The following DSCAM variants were observed in gnomAD, a reference collection of about 807,000 sequenced individuals.
DSCAM encodes cell adhesion molecule DSCAM.
A neutral mutation model predicts 217.7 loss-of-function variants in DSCAM; 47 were observed. That is an observed-to-expected ratio of 0.22 (90% CI 0.17 to 0.28). The LOEUF is 0.28. DSCAM is among the 10% of genes least tolerant of loss of function. DSCAM has a pLI of 1.00. For synonymous variants in DSCAM, 1,056 were observed against 1,015.3 expected (o/e 1.04, Z -0.76); for missense variants, 2,080 against 2,618.3 (o/e 0.79, Z 4.49).
chr21:40,609,887 G>T (rs2146276245), intron 3 of DSCAM, among the ~76,000 whole-genome samples: 1 of 152,360 alleles, frequency 6.6e-6, no homozygotes, highest in East Asian at 1.9e-4. Context: ...GCTGCCTCAA[G>T]CTCTGGTTAG....
chr21:40,662,039 CT>C (rs1163596584), intron 3 of DSCAM, among the ~76,000 whole-genome samples: 1 of 152,160 alleles, frequency 6.6e-6, no homozygotes, highest in Non-Finnish European at 1.5e-5. Context: ...CATGCCCAGC[CT>C]TGTGGCAGCC....
chr21:40,537,347 C>T (rs2076507208), intron 3 of DSCAM, among the ~76,000 whole-genome samples: 1 of 152,114 alleles, frequency 6.6e-6, no homozygotes, highest in Non-Finnish European at 1.5e-5. Flanking sequence ...GCTGCCTTCT[C>T]CTCTTGCAAA....
chr21:40,658,965 G>A (rs1198762414), intron 3 of DSCAM, among the ~76,000 whole-genome samples: 3 of 152,006 alleles, frequency 2.0e-5, no homozygotes, highest in South Asian at 2.1e-4. Flanking sequence ...TCTGATAATC[G>A]GGCAAATGAG....
At chr21:40,336,553 A>G (rs1253186048) in intron 8 of DSCAM, among the ~76,000 whole-genome samples, 2 of 152,230 alleles carry the variant, frequency 1.3e-5, no homozygotes, top group Non-Finnish European at 2.9e-5. Context: ...TCAACTTTTT[A>G]TGTTACAAAA....
chr21:40,192,107 CA>C lies in DSCAM; in HGVS notation c.2357-2870del, dbSNP rs2090958189. ...CCATTATAACCTGTATACAAATATA[CA>C]CAGTTGTATAATCATCACTGAATCA... is the stretch of plus-strand genomic sequence containing the variant. On this transcript the variant is annotated intron_variant, in intron 11 of 32. Coordinates refer to ENST00000400454, the MANE Select transcript of DSCAM (RefSeq NM_001389.5). Among the ~76,000 whole-genome samples the C allele has an allele frequency of 2.6e-5, 4 of 152,250 alleles. No individual in the cohort carries two copies. The South Asian group carries it at 8.3e-4, about 32-fold the overall frequency.
intron 3 of DSCAM, among the ~76,000 whole-genome samples, chr21:40,554,456 C>T (rs1033095564): frequency 1.3e-5 from 2 of 152,126 alleles, no homozygotes; most frequent in Non-Finnish European, 1.5e-5. Flanking sequence ...CTTTCAGGGA[C>T]CCCTCAAGTC....
chr21:40,727,877 G>T (rs138774500), intron 1 of DSCAM, among the ~76,000 whole-genome samples: 15 of 152,194 alleles, frequency 9.9e-5, no homozygotes, highest in Admixed American at 2.6e-4. Flanking sequence ...CTCCCCTGGG[G>T]ATCCCACCGC....
At chr21:40,095,555 T>C (rs1264477996) in intron 20 of DSCAM, among the ~76,000 whole-genome samples, 1 of 152,092 alleles carries the variant, frequency 6.6e-6, no homozygotes, top group African/African-American at 2.4e-5. Context: ...AGGGGAAAAT[T>C]GGGAATGACT....
chr21:40,196,097 G>T (rs944656288), intron 11 of DSCAM, among the ~76,000 whole-genome samples: 1 of 152,234 alleles, frequency 6.6e-6, no homozygotes, highest in Non-Finnish European at 1.5e-5. Flanking sequence ...GCAGCTCAGG[G>T]TGCAGACCCA....
intron 3 of DSCAM, among the ~76,000 whole-genome samples, chr21:40,563,406 TCCA>T (rs2076735806): frequency 6.7e-6 from 1 of 149,496 alleles, no homozygotes; most frequent in South Asian, 2.1e-4. Flanking sequence ...AGAACTTCAA[TCCA>T]GAAATTCTCA....
chr21:40,718,279 T>C (rs1289770143), intron 1 of DSCAM, among the ~76,000 whole-genome samples: 1 of 152,206 alleles, frequency 6.6e-6, no homozygotes, highest in Non-Finnish European at 1.5e-5. Flanking sequence ...AGAGACATAT[T>C]TGGCAGCCAG....
At position 40,186,222 on chromosome 21, in the gene DSCAM, T is replaced by A. The variant is rs1276142569; in HGVS notation, c.2779+909A>T. Among the ~76,000 whole-genome samples the A allele has an allele frequency of 2.6e-5, 4 of 152,180 alleles. No individual in the cohort carries two copies. In the East Asian group the frequency reaches 7.7e-4, roughly 29 times the overall value. ...CTGAAACATTTCCTCACTCCTGACC[T>A]GTGGTTCCCAGCTGCCTTGAGCTTG... On this transcript the variant is annotated intron_variant, in intron 14 of 32. Coordinates refer to ENST00000400454, the MANE Select transcript of DSCAM (RefSeq NM_001389.5).
chr21:40,684,610 AC>A (rs2090454134), intron 3 of DSCAM, among the ~76,000 whole-genome samples: 1 of 152,196 alleles, frequency 6.6e-6, no homozygotes, highest in Non-Finnish European at 1.5e-5. Context: ...GTTCACACTG[AC>A]TTCTTGAGTA....
At chr21:40,371,883 T>C (rs1462559576) in intron 3 of DSCAM, among the ~76,000 whole-genome samples, 1 of 152,208 alleles carries the variant, frequency 6.6e-6, no homozygotes, top group African/African-American at 2.4e-5. Flanking sequence ...CAAGGTCTGA[T>C]TGCAAAAATT....
intron 3 of DSCAM, among the ~76,000 whole-genome samples, chr21:40,390,674 T>C (rs2075125980): frequency 6.6e-6 from 1 of 152,192 alleles, no homozygotes; most frequent in South Asian, 2.1e-4. Flanking sequence ...TCAATGACCC[T>C]GGATTATGGC....
At chr21:40,702,822 A>G (rs187677195) in intron 2 of DSCAM, among the ~76,000 whole-genome samples, 4 of 152,198 alleles carry the variant, frequency 2.6e-5, no homozygotes, top group East Asian at 1.9e-4. Context: ...TGTAGTATAC[A>G]TTTGTAACTT....
intron 3 of DSCAM, among the ~76,000 whole-genome samples, chr21:40,538,849 C>T (rs937603308): frequency 4.6e-5 from 7 of 152,082 alleles, no homozygotes; most frequent in Non-Finnish European, 1.0e-4. Flanking sequence ...ATTTATTATT[C>T]GGGGTCTCAG....
intron 2 of DSCAM, among the ~76,000 whole-genome samples, chr21:40,703,724 T>G (rs987543926): frequency 3.3e-5 from 5 of 152,226 alleles, no homozygotes; most frequent in African/African-American, 9.7e-5. Flanking sequence ...GTCTTGAGCT[T>G]GGGGTTTGTT....
intron 4 of DSCAM, among the ~76,000 whole-genome samples, chr21:40,367,153 A>G (rs1347617119): frequency 1.3e-5 from 2 of 152,134 alleles, no homozygotes; most frequent in African/African-American, 4.8e-5. Flanking sequence ...TCTCCAACCT[A>G]GACCTCATGC....
Sources: gnomAD v4.1 joint callset for allele counts (sites outside exome capture counted in the v4.1 genomes callset) on GRCh38, gnomAD v4.1.1 for gene constraint, MANE v1.5 for transcripts, NCBI Gene and HGNC (gene_info 2026-07-23, HGNC 2026-07-21) for gene names.